Variants in CCAR2 observed in about 807,000 individuals in gnomAD.
The protein encoded by CCAR2 is cell cycle and apoptosis regulator protein 2.
Under a neutral mutation model 108.1 loss-of-function variants are expected in CCAR2, and 21 were observed. The ratio of observed to expected loss-of-function variants is 0.19; its 90% CI spans 0.14 to 0.28. CCAR2 has a LOEUF of 0.28. Among genes scored for constraint, CCAR2 ranks in the 10% least tolerant of loss-of-function variants. The pLI is 1.00. For missense variants in CCAR2, 1,126 were observed against 1,177.0 expected, an observed-to-expected ratio of 0.96 and a Z score of 0.63; for synonymous variants, 577 against 472.8, an observed-to-expected ratio of 1.22 and a Z score of -2.86.
rs1179234132 is a variant in CCAR2 at position 22,620,176 on chromosome 8, C to G, written c.*494C>G. The G allele has an allele frequency of 6.3e-6, 1 of 159,482 alleles. No homozygotes were observed. The highest frequency in any genetic ancestry group is 2.4e-5 in the African/African-American group (1 of 41,574). 9.9% of individuals were successfully genotyped at this position (159,482 alleles called of 1,614,324 possible). A position where few individuals can be genotyped will look rare whatever the true frequency, so the allele number is the denominator to read the frequency against. ...CACAGGCTTCTGGGGGAAGGGTCTCCCTTGGCCATCACGGGAATGGAGTCC... is the reference window on the plus strand; with the variant it reads ...CACAGGCTTCTGGGGGAAGGGTCTCGCTTGGCCATCACGGGAATGGAGTCC... On this transcript the variant is annotated 3_prime_UTR_variant, in exon 21 of 21. Transcript: ENST00000308511.
At position 22,619,695 on chromosome 8, in the gene CCAR2, G is replaced by T; in HGVS notation, c.*13G>T. Reference sequence around the variant, plus strand: ...ACCTAGCAACTGACGGCCTCGCACGGAACTGCCATCCTGTGAGGGCAGCGG... The same window carrying T: ...ACCTAGCAACTGACGGCCTCGCACGTAACTGCCATCCTGTGAGGGCAGCGG... On this transcript the variant is annotated 3_prime_UTR_variant, in exon 21 of 21. Transcript: ENST00000308511. 6.4e-7 allele frequency: 1 copy of T among 1,563,940 alleles called. No homozygotes were observed. Among genetic ancestry groups the T allele is most frequent in the Non-Finnish European group, 8.7e-7 (1 of 1,153,928 alleles).
At position 22,619,246 on chromosome 8, in the gene CCAR2, A is replaced by G. The variant is rs1289198310; in HGVS notation, c.2618A>G (p.Glu873Gly). 6.4e-7 allele frequency: 1 copy of G among 1,569,022 alleles called. No individual in the cohort carries two copies. The highest frequency in any genetic ancestry group is 1.2e-5 in the South Asian group (1 of 86,016). The change falls in exon 20 of 21, where the codon GAG (glutamate) becomes GGG (glycine). Residue 873 changes from glutamate (E) to glycine (G), a missense_variant. By Grantham distance (98) the Glu-to-Gly change is moderately conservative. This residue lies in a region of CCAR2 where 1,013 missense variants were observed against 993.9 expected (regional missense o/e 1.02). Transcript: ENST00000308511. The part of the protein sequence containing the change: ...ELRVRLAEAE[E>G]TARTAERQKS... ...CGAGTCCGGCTGGCGGAGGCCGAGG[A>G]GACCGCCCGGACGGCGGAGCGACAG...
intron 4 of CCAR2, 97 bp from the exon 5 acceptor site, chr8:22,606,813 G>GT: frequency 6.7e-7 from 1 of 1,492,756 alleles, no homozygotes; most frequent in Non-Finnish European, 9.3e-7. Flanking sequence ...TGTGCAAGGT[G>GT]TGGGAAATCT....
In CCAR2 at chr8:22,615,703, G is replaced by A; in HGVS notation, c.1399G>A (p.Ala467Thr). Reference sequence around the variant, plus strand: ...ACAGGAAACGGAGCCTACTGAACAGGCACCTGATGCCTTGGAGCAAGCAGC... The same window carrying A: ...ACAGGAAACGGAGCCTACTGAACAGACACCTGATGCCTTGGAGCAAGCAGC... ...AQGETEPTEQAPDALEQAADT... is the reference protein window; with the variant it reads ...AQGETEPTEQTPDALEQAADT... Residue 467 changes from alanine to threonine, a missense_variant, in exon 13 of 21, where the codon GCA becomes ACA. Physicochemically the swap from Ala to Thr is moderately conservative, Grantham distance 58 (BLOSUM62 0). Transcript: ENST00000308511. The A allele has an allele frequency of 6.2e-7, 1 of 1,613,704 alleles. No individual in the cohort carries two copies. Among genetic ancestry groups the A allele is most frequent in the Non-Finnish European group, 8.5e-7 (1 of 1,180,016 alleles).
chr8:22,613,190 T>G, intron 8 of CCAR2, 54 bp downstream of exon 8: 2 of 1,492,880 alleles, frequency 1.3e-6, no homozygotes, highest in Non-Finnish European at 1.8e-6. Context: ...TAGTTTCTTA[T>G]GTAAATGAGA....
chr8:22,621,481 G>C, downstream of CCAR2: 1 of 1,613,856 alleles, frequency 6.2e-7, no homozygotes, highest in Non-Finnish European at 8.5e-7. Context: ...TCGTTCTCCC[G>C]CTCCCGCTGC....
rs953679540 is a variant in CCAR2, at chr8:22,618,362, A to G, written c.2087A>G (p.Asp696Gly). Residue 696 changes from aspartate (D) to glycine (G), a missense_variant, in exon 17 of 21, where the codon GAT becomes GGT. Coordinates refer to ENST00000308511, the MANE Select transcript of CCAR2 (RefSeq NM_001393997.1). ...TTTTCTTTGCAGCCCAAGGAGCTGG[A>G]TCCCTCTGCTGTGCTCCCCTTAGAC... ...SSLQDMPKEL[D>G]PSAVLPLDCL... 3 of 1,614,070 alleles carry G rather than the reference A, an allele frequency of 1.9e-6. No homozygotes were observed. Among genetic ancestry groups the G allele is most frequent in the Non-Finnish European group, 2.5e-6 (3 of 1,180,044 alleles).
At chr8:22,606,208 G>GT in intron 3 of CCAR2, 32 bp downstream of exon 3, 2 of 1,546,398 alleles carry the variant, frequency 1.3e-6, no homozygotes, top group Non-Finnish European at 1.8e-6. Flanking sequence ...GTAAGTTTCA[G>GT]CCCTTGGGAC....
At chr8:22,606,495 C>G (rs762153344) in intron 3 of CCAR2, 112 bp from the exon 4 acceptor site, 17 of 829,758 alleles carry the variant, frequency 2.0e-5, no homozygotes, top group Non-Finnish European at 3.3e-5. Flanking sequence ...TGTGCGAACT[C>G]TTGATGCAGT....
At position 22,614,082 on chromosome 8, in the gene CCAR2, C is replaced by CT. The variant is rs753484766; in HGVS notation, c.705-8dup. 5.2e-5 allele frequency: 84 copies of CT among 1,611,314 alleles called. No homozygotes were observed. Among genetic ancestry groups the CT allele is most frequent in the Middle Eastern group, 3.3e-4 (2 of 6,056 alleles). Reference sequence around the variant, plus strand: ...TGCTCAGTCTGGATTCCCTTGCTGTCTTCCTGTAGCCCCATCTGTGACTTC... The same window carrying CT: ...TGCTCAGTCTGGATTCCCTTGCTGTCTTTCCTGTAGCCCCATCTGTGACTTC... On this transcript the variant is annotated splice_polypyrimidine_tract_variant and intron_variant, in intron 8 of 20. Transcript: ENST00000308511.
At chr8:22,605,119 C>G (rs1195305451) in intron 1 of CCAR2, 1 of 240,026 alleles carries the variant, frequency 4.2e-6, no homozygotes, top group East Asian at 1.7e-4. Flanking sequence ...AGCGGAGGGC[C>G]CGGGAGCGTG....
Position 22,607,461 on chromosome 8 carries a change from T to G in CCAR2, c.487+136T>G, listed in dbSNP as rs1801118812. On this transcript the variant is annotated intron_variant, in intron 6 of 20. Coordinates refer to ENST00000308511, the MANE Select transcript of CCAR2 (RefSeq NM_001393997.1). ...GAAAGGTGGGCAATCTGGATAGGTGTTTAGGGTTTTTTTTTTTTTTTTTTT... is the reference window on the plus strand; with the variant it reads ...GAAAGGTGGGCAATCTGGATAGGTGGTTAGGGTTTTTTTTTTTTTTTTTTT... The G allele has an allele frequency of 8.6e-6, 8 of 931,036 alleles. No homozygotes were observed. The South Asian group carries it at 1.5e-4, about 18-fold the overall frequency. 57.7% of individuals were successfully genotyped at this position (931,036 alleles called of 1,614,324 possible).
At chr8:22,607,572 A>G (rs1801124989) in intron 6 of CCAR2, among the ~76,000 whole-genome samples, 1 of 151,020 alleles carries the variant, frequency 6.6e-6, no homozygotes. Flanking sequence ...GGTTCAAGCA[A>G]TTCTCCTGCC....
intron 7 of CCAR2, among the ~76,000 whole-genome samples, chr8:22,609,141 C>G (rs1250161160): frequency 6.7e-6 from 1 of 149,414 alleles, no homozygotes; most frequent in Non-Finnish European, 1.5e-5. Flanking sequence ...GCCTTGATCT[C>G]TCTGGCACAA....
intron 10 of CCAR2, 35 bp from the exon 11 acceptor site, chr8:22,614,803 G>A (rs1199332486): frequency 1.3e-6 from 2 of 1,574,398 alleles, no homozygotes; most frequent in Non-Finnish European, 1.7e-6. Flanking sequence ...AGGTAATGTA[G>A]TTTTTTGTTT....
chr8:22,619,317 AC>A lies in CCAR2; in HGVS notation c.2695del (p.Leu899CysfsTer89). 1.3e-6 allele frequency: 2 copies of A among 1,562,526 alleles called. No individual in the cohort carries two copies. The highest frequency in any genetic ancestry group is 1.7e-6 in the Non-Finnish European group (2 of 1,154,492). On this transcript the variant is annotated frameshift_variant, in exon 20 of 21. Coordinates refer to ENST00000308511, the MANE Select transcript of CCAR2 (RefSeq NM_001393997.1). LOFTEE classifies it high-confidence loss of function. ...RLLQELRRRL[T>X]PLQLEIQRVV... The stretch of plus-strand genomic sequence containing the variant: ...GCTGCAGGAGCTCCGCAGGCGTCTG[AC>A]CCCCCTGCAGCTGGAGATCCAGCGG...
rs571348498 is a variant in CCAR2 at position 22,613,218 on chromosome 8, C to T, written c.704+82C>T. ...AAATGAGATGGCGTCTATGCAAGTG[C>T]ACATGTATGTTCTTACAGCCTTTTC... On this transcript the variant is annotated intron_variant, in intron 8 of 20. Coordinates refer to ENST00000308511, the MANE Select transcript of CCAR2 (RefSeq NM_001393997.1). 6 of 1,368,032 alleles carry T rather than the reference C, an allele frequency of 4.4e-6. No individual in the cohort carries two copies. The African/African-American group carries it at 7.3e-5, about 17-fold the overall frequency. The allele number at this position is 1,368,032 out of a possible 1,614,324, so 84.7% of individuals were successfully genotyped here.
chr8:22,618,594 A>T, intron 17 of CCAR2, 23 bp from the exon 18 acceptor site: 2 of 1,613,930 alleles, frequency 1.2e-6, no homozygotes, highest in Non-Finnish European at 1.7e-6. Context: ...GGGCCTTCTG[A>T]TCAGCAGATG....
chr8:22,618,302 C>T, intron 16 of CCAR2, 47 bp from the exon 17 acceptor site: 1 of 1,613,072 alleles, frequency 6.2e-7, no homozygotes, highest in Non-Finnish European at 8.5e-7. Context: ...GATAGAGCCA[C>T]TGAGGGAACT....
Sources: allele counts gnomAD v4.1 joint callset (sites outside exome capture counted in the v4.1 genomes callset), GRCh38; gene constraint gnomAD v4.1.1; regional missense constraint gnomAD v4.1.1; transcripts MANE v1.5; gene names NCBI Gene and HGNC (gene_info 2026-07-23, HGNC 2026-07-21).